MICAL2: variants seen among roughly 807,000 people sequenced by gnomAD.
The protein encoded by MICAL2 is microtubule associated monooxygenase, calponin and LIM domain containing 2.
MICAL2 carries 77 observed loss-of-function variants against 127.3 expected under a neutral mutation model. The observed-to-expected ratio is 0.60, with a 90% CI of 0.50 to 0.73. MICAL2 has a LOEUF of 0.73. Ranked by LOEUF, MICAL2 falls within the 30% of genes least tolerant of loss-of-function variation. The pLI is 0.00. For missense variants in MICAL2, 1,351 were observed against 1,434.4 expected (o/e 0.94, Z 0.94); for synonymous variants, 570 against 551.1 (o/e 1.03, Z -0.48).
intron 33 of MICAL2, among the ~76,000 whole-genome samples, chr11:12,354,569 C>T (rs529033229): frequency 2.0e-5 from 3 of 151,844 alleles, no homozygotes; most frequent in Admixed American, 6.6e-5. Context: ...ACCTGGGGGG[C>T]GAAGGTTGCA....
downstream of MICAL2, among the ~76,000 whole-genome samples, chr11:12,295,274 G>A (rs959381078): frequency 1.3e-5 from 2 of 151,504 alleles, no homozygotes; most frequent in African/African-American, 4.9e-5. Context: ...CAAGTAGCTG[G>A]GATTACAGAT....
At chr11:12,320,765 G>A (rs1445586770) in intron 30 of MICAL2, among the ~76,000 whole-genome samples, 1 of 152,004 alleles carries the variant, frequency 6.6e-6, no homozygotes, top group East Asian at 1.9e-4. Context: ...GGCCCAGCTT[G>A]GAGCAAGGCA....
chr11:12,290,523 G>T (rs901758966), downstream of MICAL2, among the ~76,000 whole-genome samples: 9 of 152,106 alleles, frequency 5.9e-5, no homozygotes, highest in Admixed American at 4.6e-4. Context: ...AAGGAATTTG[G>T]CAAACTGAGG....
rs1187500081 is a variant in MICAL2, at chr11:12,251,673, A to G, written c.2847+2427A>G. On this transcript the variant is annotated intron_variant, in intron 22 of 27. Coordinates refer to ENST00000683283, the MANE Select transcript of MICAL2 (RefSeq NM_001282663.2). ...GAAAGGGGGCTTTTGGACCTAATGA[A>G]AGGTGGGACCAGGTGTGGTCTTCAT... 5.1e-4 allele frequency among the ~76,000 whole-genome samples: 77 copies of G among 151,356 alleles called. 2 individuals are homozygous for G. Among genetic ancestry groups the G allele is most frequent in the Non-Finnish European group, 1.5e-5 (1 of 67,926 alleles).
At chr11:12,339,000 C>G (rs560950423) in intron 32 of MICAL2, among the ~76,000 whole-genome samples, 95 of 152,274 alleles carry the variant, frequency 6.2e-4, no homozygotes, top group African/African-American at 2.1e-3. Flanking sequence ...GAATGTTGGC[C>G]TGCCTTGCTA....
intron 3 of MICAL2, among the ~76,000 whole-genome samples, chr11:12,198,503 C>T (rs1860238377): frequency 6.6e-6 from 1 of 152,178 alleles, no homozygotes; most frequent in African/African-American, 2.4e-5. Context: ...GATTCTGAAC[C>T]AAGCTGTTCT....
rs534267283 is a variant in MICAL2, at chr11:12,261,686, G to A, written c.3335-794G>A. ...TTTGAGATGACAGTTTCTATGGGGC[G>A]GGAAGAAGGAGGTGCATTTCTACAA... On this transcript the variant is annotated intron_variant, in intron 26 of 27. Coordinates refer to ENST00000683283, the MANE Select transcript of MICAL2 (RefSeq NM_001282663.2). 58 of 985,398 alleles carry A rather than the reference G, an allele frequency of 5.9e-5. No individual in the cohort carries two copies. In the African/African-American group the frequency reaches 8.0e-4, roughly 14 times the overall value. The allele number at this position is 985,398 out of a possible 1,614,324, so 61.0% of individuals were successfully genotyped here.
At chr11:12,257,089 T>G in intron 24 of MICAL2, 118 bp downstream of exon 24, 1 of 1,127,496 alleles carries the variant, frequency 8.9e-7, no homozygotes, top group Admixed American at 2.8e-5. Context: ...AAAGGAAGTA[T>G]GATGTCATCA....
downstream of MICAL2, chr11:12,294,817 T>A (rs200708492): frequency 6.6e-7 from 1 of 1,507,540 alleles, no homozygotes; most frequent in Admixed American, 2.0e-5. Context: ...CTCCTCCTCC[T>A]CCTCCTCCTC....
intron 1 of MICAL2, among the ~76,000 whole-genome samples, chr11:12,278,172 T>C (rs1313188259): frequency 6.6e-6 from 1 of 152,198 alleles, no homozygotes; most frequent in African/African-American, 2.4e-5. Flanking sequence ...TAGGCTACCC[T>C]ACATTTATTT....
intron 10 of MICAL2, among the ~76,000 whole-genome samples, chr11:12,222,314 T>G (rs1200593978): frequency 6.6e-6 from 1 of 152,138 alleles, no homozygotes; most frequent in Admixed American, 6.5e-5. Context: ...GGAGGCAGCG[T>G]GGCTGAACAT....
At chr11:12,255,812 A>G in intron 23 of MICAL2, 62 bp downstream of exon 23, 1 of 1,376,504 alleles carries the variant, frequency 7.3e-7, no homozygotes, top group Non-Finnish European at 1.0e-6. Flanking sequence ...CAGGGCGGGC[A>G]CATGGGATGT....
chr11:12,172,958 A>G (rs1856444371), intron 3 of MICAL2, among the ~76,000 whole-genome samples: 1 of 152,194 alleles, frequency 6.6e-6, no homozygotes, highest in Admixed American at 6.5e-5. Flanking sequence ...TCCCGATACA[A>G]ATATTGAAAT....
At chr11:12,122,930 C>A (rs1268434882) in intron 1 of MICAL2, among the ~76,000 whole-genome samples, 33 of 152,158 alleles carry the variant, frequency 2.2e-4, no homozygotes. Flanking sequence ...TGTCTTTGAA[C>A]TCCTCCTTCC....
intron 1 of MICAL2, among the ~76,000 whole-genome samples, chr11:12,132,448 G>A (rs557009327): frequency 1.3e-5 from 2 of 152,268 alleles, no homozygotes; most frequent in African/African-American, 4.8e-5. Context: ...AAAATGAGCC[G>A]GTTCCTTTTT....
intron 32 of MICAL2, among the ~76,000 whole-genome samples, chr11:12,348,909 G>A (rs1413298929): frequency 6.6e-6 from 1 of 151,822 alleles, no homozygotes; most frequent in Non-Finnish European, 1.5e-5. Context: ...ATAAACAGCA[G>A]CTCATTATTA....
downstream of MICAL2, chr11:12,287,413 T>C (rs1863839021): frequency 3.0e-6 from 1 of 329,358 alleles, no homozygotes. Flanking sequence ...TATGGAGCCT[T>C]AGGATTCTAC....
intron 3 of MICAL2, among the ~76,000 whole-genome samples, chr11:12,188,249 ATAG>A (rs1373281989): frequency 2.0e-5 from 3 of 152,204 alleles, no homozygotes; most frequent in African/African-American, 7.2e-5. Context: ...TTTGCATATA[ATAG>A]ATTAGAATAT....
At chr11:12,340,189 ACT>A (rs1938837258) in intron 32 of MICAL2, among the ~76,000 whole-genome samples, 2 of 152,234 alleles carry the variant, frequency 1.3e-5, no homozygotes, top group Admixed American at 1.3e-4. Context: ...GAATATTCCC[ACT>A]GTTACAAATC....
Sources: gnomAD v4.1 joint callset for allele counts (sites outside exome capture counted in the v4.1 genomes callset) on GRCh38, gnomAD v4.1.1 for gene constraint, MANE v1.5 for transcripts, NCBI Gene and HGNC (gene_info 2026-07-23, HGNC 2026-07-21) for gene names.